Variants in RORA observed in about 807,000 individuals in gnomAD.
RORA encodes the protein RAR related orphan receptor A, also known as nuclear receptor ROR-alpha.
Under a neutral mutation model 69.5 loss-of-function variants are expected in RORA, and 7 were observed. That is an observed-to-expected ratio of 0.10 (90% confidence interval 0.06 to 0.19). The LOEUF (loss-of-function observed/expected upper bound fraction) is 0.19. RORA is among the 10% of genes least tolerant of loss of function. The pLI is 1.00. For missense variants in RORA, 457 were observed against 663.0 expected, an observed-to-expected ratio of 0.69 and a Z score of 3.41; for synonymous variants, 261 against 240.8, an observed-to-expected ratio of 1.08 and a Z score of -0.78.
intron 1 of RORA, among the ~76,000 whole-genome samples, chr15:61,003,789 G>A (rs562900928): frequency 2.5e-4 from 38 of 152,274 alleles, no homozygotes; most frequent in Non-Finnish European, 5.0e-4. Flanking sequence ...CTGAAATCTG[G>A]GGAAAGGTAC....
At chr15:60,891,391 G>A (rs941771373) in intron 1 of RORA, among the ~76,000 whole-genome samples, 1 of 152,174 alleles carries the variant, frequency 6.6e-6, no homozygotes, top group African/African-American at 2.4e-5. Flanking sequence ...AAACTGATGG[G>A]CAGCTGCTCT....
chr15:60,615,260 G>A (rs1356336311), intron 2 of RORA, among the ~76,000 whole-genome samples: 1 of 152,174 alleles, frequency 6.6e-6, no homozygotes, highest in Non-Finnish European at 1.5e-5. Context: ...ATAGATAAAG[G>A]GGCACTGGGT....
At chr15:60,500,840 G>T (rs1362666063) in intron 9 of RORA, 119 bp downstream of exon 9, 2 of 574,416 alleles carry the variant, frequency 3.5e-6, no homozygotes, top group Non-Finnish European at 6.2e-6. Context: ...TTTAATAAGG[G>T]TGGAGACCTC....
At chr15:61,195,523 A>T (rs1278196863) in intron 1 of RORA, among the ~76,000 whole-genome samples, 1 of 152,088 alleles carries the variant, frequency 6.6e-6, no homozygotes, top group Non-Finnish European at 1.5e-5. Context: ...CTCCCAGAAC[A>T]AATGCATATT....
At chr15:60,690,545 T>C (rs1219474355) in intron 1 of RORA, among the ~76,000 whole-genome samples, 1 of 152,206 alleles carries the variant, frequency 6.6e-6, no homozygotes, top group African/African-American at 2.4e-5. Context: ...TTCTACCTCA[T>C]ATAAGTCACT....
chr15:61,212,774 G>A (rs559520832), intron 1 of RORA, among the ~76,000 whole-genome samples: 3 of 152,190 alleles, frequency 2.0e-5, no homozygotes, highest in East Asian at 1.9e-4. Flanking sequence ...CTTTGTCATC[G>A]TACCAATCCA....
intron 1 of RORA, among the ~76,000 whole-genome samples, chr15:60,999,530 G>C (rs1055079788): frequency 6.6e-6 from 1 of 152,150 alleles, no homozygotes; most frequent in Non-Finnish European, 1.5e-5. Context: ...AAACTAGCAG[G>C]TTGTCTTTTA....
intron 1 of RORA, among the ~76,000 whole-genome samples, chr15:61,003,535 T>C (rs1259124013): frequency 6.6e-6 from 1 of 152,204 alleles, no homozygotes; most frequent in Admixed American, 6.5e-5. Context: ...ATGCCAACTT[T>C]TGAAATTCAA....
At chr15:61,209,027 G>A (rs922656249) in intron 1 of RORA, among the ~76,000 whole-genome samples, 8 of 152,064 alleles carry the variant, frequency 5.3e-5, no homozygotes, top group African/African-American at 1.9e-4. Context: ...ATCCATGGCT[G>A]TTTATAAGCT....
intron 1 of RORA, among the ~76,000 whole-genome samples, chr15:60,940,902 G>A (rs142328201): frequency 6.6e-6 from 1 of 152,306 alleles, no homozygotes; most frequent in African/African-American, 2.4e-5. Context: ...ACTCCAGCCT[G>A]GCAGCAGAGT....
intron 1 of RORA, among the ~76,000 whole-genome samples, chr15:60,851,206 C>T (rs930158937): frequency 1.3e-4 from 20 of 152,186 alleles, no homozygotes; most frequent in African/African-American, 2.4e-4. Flanking sequence ...CATGGCTACA[C>T]GGCAATTTAT....
intron 1 of RORA, among the ~76,000 whole-genome samples, chr15:61,096,520 T>C (rs1307341302): frequency 6.6e-6 from 1 of 152,200 alleles, no homozygotes; most frequent in African/African-American, 2.4e-5. Flanking sequence ...AATCTTTATT[T>C]TTCTTAACAA....
At chr15:60,618,671 T>C (rs1214188820) in intron 2 of RORA, among the ~76,000 whole-genome samples, 1 of 152,166 alleles carries the variant, frequency 6.6e-6, no homozygotes, top group Admixed American at 6.5e-5. Flanking sequence ...GAAAAATGAA[T>C]GTATTTTCTC....
At chr15:60,934,682 G>A (rs1471012892) in intron 1 of RORA, among the ~76,000 whole-genome samples, 1 of 152,170 alleles carries the variant, frequency 6.6e-6, no homozygotes, top group African/African-American at 2.4e-5. Flanking sequence ...TCCAGGTGAT[G>A]CTGATGTTGC....
intron 1 of RORA, among the ~76,000 whole-genome samples, chr15:60,687,778 A>T (rs1159026304): frequency 6.6e-6 from 1 of 152,152 alleles, no homozygotes; most frequent in Non-Finnish European, 1.5e-5. Context: ...CAAAATACTT[A>T]CCTTGCATTC....
chr15:61,102,011 A>G (rs2078886803), intron 1 of RORA, among the ~76,000 whole-genome samples: 1 of 152,136 alleles, frequency 6.6e-6, no homozygotes, highest in Non-Finnish European at 1.5e-5. Flanking sequence ...CACACAGGGA[A>G]GGCGGGGCTT....
intron 2 of RORA, among the ~76,000 whole-genome samples, chr15:60,556,062 T>C (rs1268264284): frequency 6.6e-6 from 1 of 152,066 alleles, no homozygotes; most frequent in Non-Finnish European, 1.5e-5. Flanking sequence ...TACACAAATC[T>C]CCCCCACTTG....
chr15:60,903,033 G>C (rs1420182844), intron 1 of RORA, among the ~76,000 whole-genome samples: 1 of 152,212 alleles, frequency 6.6e-6, no homozygotes, highest in African/African-American at 2.4e-5. Context: ...TTATTCAGGG[G>C]ATGAATTCTG....
intron 1 of RORA, among the ~76,000 whole-genome samples, chr15:60,778,227 G>C (rs80153490): frequency 2.3e-3 from 77 of 33,046 alleles, no homozygotes; most frequent in African/African-American, 8.1e-3. Context: ...TTTTGTTTTT[G>C]TTTGTTTGTT....
Sources: gnomAD v4.1 joint callset for allele counts (sites outside exome capture counted in the v4.1 genomes callset) on GRCh38, gnomAD v4.1.1 for gene constraint, MANE v1.5 for transcripts, NCBI Gene and HGNC (gene_info 2026-07-23, HGNC 2026-07-21) for gene names.